MAN1A1: variants seen among roughly 807,000 people sequenced by gnomAD.
MAN1A1 encodes mannosyl-oligosaccharide 1,2-alpha-mannosidase IA.
MAN1A1 carries 29 observed loss-of-function variants against 70.8 expected under a neutral mutation model. The ratio of observed to expected loss-of-function variants is 0.41; its 90% CI spans 0.31 to 0.56. The LOEUF is 0.56. MAN1A1 is among the 20% of genes least tolerant of loss of function. The pLI is 0.29. For synonymous variants in MAN1A1, 349 were observed against 330.1 expected (o/e 1.06, Z -0.62); for missense variants, 747 against 841.3 (o/e 0.89, Z 1.39).
rs1414360756 is a variant in MAN1A1, at chr6:119,180,380, C to T, written c.1767G>A (p.Arg589=). 8 of 1,613,914 alleles carry T rather than the reference C, an allele frequency of 5.0e-6. No homozygotes were observed. The highest frequency in any genetic ancestry group is 1.6e-4 in the Middle Eastern group (1 of 6,062). Residue 589 remains arginine, a synonymous_variant, in exon 12 of 13, where the codon AGG becomes AGA. Transcript: ENST00000368468. ...AACTCTCATGAAGAAGGTAAACATC[C>T]CTTAGGCCTGAATAGCCTCCATTCA... is the stretch of plus-strand genomic sequence containing the variant. ...CRVNGGYSGL[R]DVYLLHESYD...
chr6:119,294,901 T>C (rs1173226508), intron 4 of MAN1A1, among the ~76,000 whole-genome samples: 1 of 152,162 alleles, frequency 6.6e-6, no homozygotes, highest in East Asian at 1.9e-4. Context: ...TCTCTATTAT[T>C]GTCTTGGGTG....
At chr6:119,215,088 T>C (rs913033420) in intron 6 of MAN1A1, among the ~76,000 whole-genome samples, 3 of 151,798 alleles carry the variant, frequency 2.0e-5, no homozygotes, top group Non-Finnish European at 4.4e-5. Flanking sequence ...TTAGGAGATA[T>C]ACCTAATGTT....
chr6:119,255,122 C>T (rs1775425582), intron 5 of MAN1A1, among the ~76,000 whole-genome samples: 1 of 152,016 alleles, frequency 6.6e-6, no homozygotes, highest in Non-Finnish European at 1.5e-5. Context: ...CCCTAAAGAA[C>T]TATGTAGGAA....
chr6:119,196,997 C>T (rs1164478211), intron 8 of MAN1A1, among the ~76,000 whole-genome samples: 1 of 152,040 alleles, frequency 6.6e-6, no homozygotes, highest in Non-Finnish European at 1.5e-5. Flanking sequence ...TAAAAGAGAA[C>T]AAGCAGAACA....
chr6:119,291,500 T>C (rs1442796746), intron 4 of MAN1A1, among the ~76,000 whole-genome samples: 1 of 149,762 alleles, frequency 6.7e-6, no homozygotes, highest in Non-Finnish European at 1.5e-5. Context: ...ATATTCTCTA[T>C]TTGTGTAAAC....
At chr6:119,314,413 G>A (rs990685593) in intron 2 of MAN1A1, among the ~76,000 whole-genome samples, 4 of 152,166 alleles carry the variant, frequency 2.6e-5, no homozygotes, top group Non-Finnish European at 5.9e-5. Context: ...AATTAACTTT[G>A]TCAAACAGCT....
intron 6 of MAN1A1, among the ~76,000 whole-genome samples, chr6:119,211,735 G>C (rs778746586): frequency 1.3e-5 from 2 of 151,996 alleles, no homozygotes; most frequent in African/African-American, 4.8e-5. Context: ...TCTTATGAAG[G>C]CTTAAATTTT....
At chr6:119,294,487 T>C (rs575595913) in intron 4 of MAN1A1, among the ~76,000 whole-genome samples, 1 of 152,228 alleles carries the variant, frequency 6.6e-6, no homozygotes, top group East Asian at 1.9e-4. Context: ...GAGTTTGTTT[T>C]AAAATAAAAG....
chr6:119,321,047 T>C (rs1332995178), intron 2 of MAN1A1, among the ~76,000 whole-genome samples: 1 of 152,242 alleles, frequency 6.6e-6, no homozygotes, highest in Non-Finnish European at 1.5e-5. Context: ...TTTTACAGGG[T>C]ATCATAGCTG....
intron 2 of MAN1A1, among the ~76,000 whole-genome samples, chr6:119,324,301 CATA>C (rs748613436): frequency 3.3e-5 from 5 of 152,090 alleles, no homozygotes; most frequent in Non-Finnish European, 5.9e-5. Context: ...CTTACTTTGC[CATA>C]ATAATACAGT....
intron 2 of MAN1A1, among the ~76,000 whole-genome samples, chr6:119,331,777 C>T (rs564065579): frequency 6.6e-6 from 1 of 152,118 alleles, no homozygotes; most frequent in East Asian, 1.9e-4. Flanking sequence ...CACCTCACTT[C>T]CCTTTACTTC....
chr6:119,312,401 T>C (rs1018680617), intron 2 of MAN1A1, among the ~76,000 whole-genome samples: 1 of 152,172 alleles, frequency 6.6e-6, no homozygotes, highest in Non-Finnish European at 1.5e-5. Flanking sequence ...TTGGTGGAAC[T>C]GGAAAACAGA....
At chr6:119,290,869 C>G in intron 4 of MAN1A1, 106 bp from the exon 5 acceptor site, 1 of 706,038 alleles carries the variant, frequency 1.4e-6, no homozygotes, top group Non-Finnish European at 2.4e-6. Context: ...CTTATGCTTG[C>G]CCAGAGAAGT....
Position 119,189,800 on chromosome 6 carries a change from C to T in MAN1A1, c.1410G>A (p.Lys470=), listed in dbSNP as rs1463767451. Residue 470 remains lysine (K), a synonymous_variant, in exon 10 of 13, where the codon AAG becomes AAA. Coordinates refer to ENST00000368468, the MANE Select transcript of MAN1A1 (RefSeq NM_005907.4). ...CCGCGAAGCAGGTCAGGTGGCCCAT[C>T]TTGTGCTCCAGGAGGCCCCCTTTCC... ...AEWKGGLLEH[K]MGHLTCFAGG... 1.2e-6 allele frequency: 2 copies of T among 1,614,160 alleles called. No individual in the cohort carries two copies. Among genetic ancestry groups the T allele is most frequent in the East Asian group, 2.2e-5 (1 of 44,880 alleles).
Position 119,315,284 on chromosome 6 carries a change from T to C in MAN1A1, c.604-8292A>G, listed in dbSNP as rs575887189. Among the ~76,000 whole-genome samples, 6 of 152,384 alleles carry C rather than the reference T, an allele frequency of 3.9e-5. No homozygotes were observed. In the South Asian group the frequency reaches 1.2e-3, roughly 32 times the overall value. On this transcript the variant is annotated intron_variant, in intron 2 of 12. Transcript: ENST00000368468. ...TTATTTAATGCTATTGCATGAATTC[T>C]AATGTGCCACTGAGCATTAATTCCC...
intron 4 of MAN1A1, among the ~76,000 whole-genome samples, chr6:119,298,552 T>C (rs1772287247): frequency 6.6e-6 from 1 of 152,098 alleles, no homozygotes; most frequent in Non-Finnish European, 1.5e-5. Context: ...TAATGTTTGT[T>C]TCATTTTTAT....
intron 2 of MAN1A1, among the ~76,000 whole-genome samples, chr6:119,316,946 TTATTC>T (rs1413302234): frequency 1.3e-5 from 2 of 149,078 alleles, no homozygotes. Flanking sequence ...TTTATTATTA[TTATTC>T]TTTTTTTTTT....
intron 5 of MAN1A1, among the ~76,000 whole-genome samples, chr6:119,251,123 AAAG>A (rs1775306784): frequency 6.6e-6 from 1 of 152,216 alleles, no homozygotes; most frequent in African/African-American, 2.4e-5. Context: ...GATTTAAAAA[AAAG>A]AAGGTCCTCC....
At chr6:119,326,482 T>C (rs769981353) in intron 2 of MAN1A1, among the ~76,000 whole-genome samples, 1 of 152,240 alleles carries the variant, frequency 6.6e-6, no homozygotes, top group Non-Finnish European at 1.5e-5. Context: ...CACTGAGTCA[T>C]GCAGGCTCGG....
Sources: allele counts gnomAD v4.1 joint callset (sites outside exome capture counted in the v4.1 genomes callset), GRCh38; gene constraint gnomAD v4.1.1; transcripts MANE v1.5; gene names NCBI Gene and HGNC (gene_info 2026-07-23, HGNC 2026-07-21).